NLGN1: variants seen among roughly 807,000 people sequenced by gnomAD.
NLGN1 encodes neuroligin-1.
NLGN1 carries 12 observed loss-of-function variants against 65.5 expected under a neutral mutation model. That is an observed-to-expected ratio of 0.18 (90% CI 0.12 to 0.30). The LOEUF (loss-of-function observed/expected upper bound fraction) is 0.30, where lower values mean the gene tolerates loss of function less well. Among genes scored for constraint, NLGN1 ranks in the 10% least tolerant of loss-of-function variants. The pLI is 1.00. For missense variants in NLGN1, 750 were observed against 1,007.1 expected (o/e 0.74, Z 3.46); for synonymous variants, 350 against 359.5 (o/e 0.97, Z 0.30).
chr3:173,451,287 C>A (rs1359206615), intron 2 of NLGN1, among the ~76,000 whole-genome samples: 2 of 152,120 alleles, frequency 1.3e-5, no homozygotes, highest in Admixed American at 6.6e-5. Flanking sequence ...CAGTCAGGAC[C>A]CTCAGCTGCA....
chr3:173,848,129 C>T (rs1452593065), intron 4 of NLGN1, among the ~76,000 whole-genome samples: 1 of 152,162 alleles, frequency 6.6e-6, no homozygotes, highest in Non-Finnish European at 1.5e-5. Flanking sequence ...TGTTACTTAA[C>T]CCCTGCTTCC....
At chr3:173,943,148 C>A (rs1026045582) in intron 4 of NLGN1, among the ~76,000 whole-genome samples, 3 of 151,872 alleles carry the variant, frequency 2.0e-5, no homozygotes, top group Admixed American at 6.6e-5. Flanking sequence ...GTCATCTGAG[C>A]CCTGGGAGGT....
At chr3:173,638,349 C>A (rs2149575632) in intron 3 of NLGN1, among the ~76,000 whole-genome samples, 1 of 148,592 alleles carries the variant, frequency 6.7e-6, no homozygotes, top group East Asian at 2.0e-4. Flanking sequence ...TGATTTTATC[C>A]TTTAATGGGA....
At chr3:173,517,286 A>G (rs570991852) in intron 2 of NLGN1, among the ~76,000 whole-genome samples, 2 of 152,204 alleles carry the variant, frequency 1.3e-5, no homozygotes, top group East Asian at 1.9e-4. Context: ...GCATGGAGGA[A>G]TTAGTTGCAG....
intron 3 of NLGN1, among the ~76,000 whole-genome samples, chr3:173,696,496 C>T (rs763710404): frequency 1.6e-4 from 24 of 152,096 alleles, no homozygotes; most frequent in Non-Finnish European, 3.4e-4. Flanking sequence ...GAGATCCAGC[C>T]CATTGCTGAG....
intron 4 of NLGN1, among the ~76,000 whole-genome samples, chr3:174,127,153 A>G (rs1719115674): frequency 6.6e-6 from 1 of 152,188 alleles, no homozygotes; most frequent in Admixed American, 6.6e-5. Flanking sequence ...TGACTCATCA[A>G]GCTTAATATC....
chr3:174,154,451 C>T (rs1724958927), intron 4 of NLGN1, among the ~76,000 whole-genome samples: 1 of 151,912 alleles, frequency 6.6e-6, no homozygotes, highest in Non-Finnish European at 1.5e-5. Flanking sequence ...CCTTTCTACA[C>T]AAGATTTTTC....
intron 4 of NLGN1, among the ~76,000 whole-genome samples, chr3:174,014,457 G>T (rs146232787): frequency 1.2e-3 from 188 of 152,172 alleles, no homozygotes; most frequent in African/African-American, 4.4e-3. Flanking sequence ...ACGCTGCAAG[G>T]CACTATTTAA....
intron 4 of NLGN1, among the ~76,000 whole-genome samples, chr3:174,048,986 C>G (rs976668519): frequency 6.6e-6 from 1 of 151,732 alleles, no homozygotes; most frequent in East Asian, 1.9e-4. Context: ...CAAAGATAAA[C>G]AAAAATTTCT....
chr3:174,201,752 G>C (rs1561279758), intron 4 of NLGN1, among the ~76,000 whole-genome samples: 1 of 152,136 alleles, frequency 6.6e-6, no homozygotes, highest in Non-Finnish European at 1.5e-5. Context: ...AATAAAGCTT[G>C]TGTCTAGATA....
chr3:174,226,146 G>C (rs1207836661), intron 4 of NLGN1, among the ~76,000 whole-genome samples: 1 of 152,034 alleles, frequency 6.6e-6, no homozygotes, highest in African/African-American at 2.4e-5. Flanking sequence ...CATATGGCTG[G>C]AAGTGCCTCA....
intron 4 of NLGN1, among the ~76,000 whole-genome samples, chr3:173,890,835 A>G (rs942226361): frequency 1.3e-5 from 2 of 152,128 alleles, no homozygotes; most frequent in Non-Finnish European, 2.9e-5. Context: ...TATGGTTGGA[A>G]TCTATGTGGC....
chr3:173,791,348 T>C (rs1169216380), intron 3 of NLGN1, among the ~76,000 whole-genome samples: 1 of 152,138 alleles, frequency 6.6e-6, no homozygotes, highest in African/African-American at 2.4e-5. Flanking sequence ...TTACTTTACA[T>C]CTGGTTAATT....
At chr3:174,044,921 A>G (rs532595423) in intron 4 of NLGN1, among the ~76,000 whole-genome samples, 5 of 152,168 alleles carry the variant, frequency 3.3e-5, no homozygotes, top group African/African-American at 9.6e-5. Flanking sequence ...TCTTCCTGCC[A>G]TCATGTGAAG....
intron 4 of NLGN1, among the ~76,000 whole-genome samples, chr3:174,067,975 G>T (rs140553138): frequency 2.0e-4 from 31 of 152,276 alleles, no homozygotes; most frequent in African/African-American, 7.5e-4. Context: ...CAACAGGCTG[G>T]CCTGAGGCAA....
At chr3:173,720,415 G>T (rs1190533909) in intron 3 of NLGN1, among the ~76,000 whole-genome samples, 3 of 152,126 alleles carry the variant, frequency 2.0e-5, no homozygotes, top group Non-Finnish European at 4.4e-5. Context: ...TATTGATACT[G>T]TGTGACATGA....
intron 2 of NLGN1, among the ~76,000 whole-genome samples, chr3:173,549,134 T>C (rs977322907): frequency 2.6e-5 from 4 of 151,976 alleles, no homozygotes. Flanking sequence ...ATGTTCACCA[T>C]CATTGTGGAT....
chr3:173,426,084 G>A (rs921105427), intron 1 of NLGN1, among the ~76,000 whole-genome samples: 3 of 151,450 alleles, frequency 2.0e-5, no homozygotes, highest in African/African-American at 4.9e-5. Flanking sequence ...TTATTTTTTT[G>A]TAACTATTAT....
At chr3:173,695,477 T>C in intron 3 of NLGN1, 1 of 246,132 alleles carries the variant, frequency 4.1e-6, no homozygotes, top group South Asian at 5.2e-5. Flanking sequence ...TTTCAATCCA[T>C]TTATTCTGAG....
Sources: allele counts gnomAD v4.1 joint callset (sites outside exome capture counted in the v4.1 genomes callset), GRCh38; gene constraint gnomAD v4.1.1; transcripts MANE v1.5; gene names NCBI Gene and HGNC (gene_info 2026-07-23, HGNC 2026-07-21).